Variants in HS3ST5 observed in about 807,000 individuals in gnomAD.
HS3ST5 encodes heparan sulfate-glucosamine 3-sulfotransferase 5.
HS3ST5 carries 10 observed loss-of-function variants against 25.4 expected under a neutral mutation model. The ratio of observed to expected loss-of-function variants is 0.39; its 90% confidence interval spans 0.24 to 0.67. HS3ST5 has a LOEUF of 0.67. HS3ST5 is among the 30% of genes least tolerant of loss of function. The probability of loss-of-function intolerance (pLI) is 0.44; values close to 1 mark genes in which losing one functional copy is unlikely to be tolerated. For missense variants in HS3ST5, 324 were observed against 420.7 expected, an observed-to-expected ratio of 0.77 and a Z score of 2.01; for synonymous variants, 170 against 162.4, an observed-to-expected ratio of 1.05 and a Z score of -0.36.
intron 3 of HS3ST5, among the ~76,000 whole-genome samples, chr6:114,145,639 T>C (rs1778124685): frequency 6.6e-6 from 1 of 152,084 alleles, no homozygotes; most frequent in African/African-American, 2.4e-5. Flanking sequence ...GCCAGGTACG[T>C]GGAGCAGGCA....
intron 3 of HS3ST5, among the ~76,000 whole-genome samples, chr6:114,086,703 C>G (rs866696213): frequency 6.6e-6 from 1 of 152,212 alleles, no homozygotes; most frequent in African/African-American, 2.4e-5. Flanking sequence ...GCATATTTCC[C>G]TATCACCTGT....
chr6:114,194,654 C>G (rs1322443268), intron 2 of HS3ST5, among the ~76,000 whole-genome samples: 1 of 152,126 alleles, frequency 6.6e-6, no homozygotes, highest in Non-Finnish European at 1.5e-5. Flanking sequence ...TTTCGTGTCC[C>G]CTGCTTTACC....
intron 2 of HS3ST5, among the ~76,000 whole-genome samples, chr6:114,187,632 A>G (rs1465083239): frequency 6.6e-6 from 1 of 152,198 alleles, no homozygotes; most frequent in Non-Finnish European, 1.5e-5. Context: ...TTGAGATGAC[A>G]ATAAAGGTTT....
intron 2 of HS3ST5, among the ~76,000 whole-genome samples, chr6:114,208,482 C>T (rs1246064335): frequency 6.6e-6 from 1 of 152,056 alleles, no homozygotes; most frequent in Non-Finnish European, 1.5e-5. Flanking sequence ...TTCATGACCA[C>T]CAATAAGATC....
chr6:114,135,231 A>C (rs948350459), intron 3 of HS3ST5, among the ~76,000 whole-genome samples: 16 of 152,172 alleles, frequency 1.1e-4, no homozygotes, highest in Non-Finnish European at 1.9e-4. Context: ...TGTTTCCTAC[A>C]CCCTGATCAT....
At chr6:114,239,386 AT>A (rs1166489909) in intron 1 of HS3ST5, among the ~76,000 whole-genome samples, 1 of 152,166 alleles carries the variant, frequency 6.6e-6, no homozygotes, top group Non-Finnish European at 1.5e-5. Flanking sequence ...GGAGAGATAC[AT>A]TTTAACAATT....
intron 3 of HS3ST5, among the ~76,000 whole-genome samples, chr6:114,118,059 A>C (rs1776615774): frequency 6.6e-6 from 1 of 152,166 alleles, no homozygotes; most frequent in African/African-American, 2.4e-5. Context: ...TCACATCATA[A>C]AGGGAATTAA....
chr6:114,127,887 G>T (rs7758977), intron 3 of HS3ST5, among the ~76,000 whole-genome samples: 39,858 of 149,912 alleles, frequency 0.27, 5,487 homozygotes, highest in East Asian at 0.36. Context: ...TATATATAGA[G>T]AGAGAGAGAC....
chr6:114,214,576 T>C (rs1169915682), intron 2 of HS3ST5, among the ~76,000 whole-genome samples: 1 of 152,238 alleles, frequency 6.6e-6, no homozygotes, highest in Non-Finnish European at 1.5e-5. Flanking sequence ...TAGGAGCTCA[T>C]AATTACTCCT....
chr6:114,136,188 C>G (rs978527611), intron 3 of HS3ST5, among the ~76,000 whole-genome samples: 5 of 152,232 alleles, frequency 3.3e-5, no homozygotes, highest in Non-Finnish European at 7.3e-5. Flanking sequence ...TGTGTCCCCA[C>G]CTAAATCTCA....
At chr6:114,264,326 G>T (rs1354529049) in intron 1 of HS3ST5, among the ~76,000 whole-genome samples, 2 of 152,148 alleles carry the variant, frequency 1.3e-5, no homozygotes, top group African/African-American at 4.8e-5. Context: ...ATGCATTTCT[G>T]AAAGTCGTAA....
At chr6:114,086,208 T>G (rs1314141490) in intron 3 of HS3ST5, among the ~76,000 whole-genome samples, 2 of 152,212 alleles carry the variant, frequency 1.3e-5, no homozygotes, top group African/African-American at 4.8e-5. Flanking sequence ...TTGTAATTAA[T>G]GTTACTAATC....
At chr6:114,160,153 C>T (rs1223690353) in intron 3 of HS3ST5, among the ~76,000 whole-genome samples, 1 of 152,024 alleles carries the variant, frequency 6.6e-6, no homozygotes, top group Non-Finnish European at 1.5e-5. Context: ...TTGTATGATG[C>T]CTGGCAGCAA....
chr6:114,217,104 C>T (rs1405530091), intron 2 of HS3ST5, among the ~76,000 whole-genome samples: 18 of 152,150 alleles, frequency 1.2e-4, no homozygotes, highest in Non-Finnish European at 8.8e-5. Flanking sequence ...CATTTACTAA[C>T]GGATTTAGCT....
chr6:114,218,890 G>A (rs777566108), intron 2 of HS3ST5, among the ~76,000 whole-genome samples: 6 of 151,982 alleles, frequency 3.9e-5, no homozygotes, highest in Non-Finnish European at 5.9e-5. Context: ...AATTTATAAC[G>A]GTCATGTCAA....
intron 1 of HS3ST5, among the ~76,000 whole-genome samples, chr6:114,269,269 A>G (rs756134410): frequency 1.1e-4 from 17 of 152,158 alleles, no homozygotes; most frequent in Non-Finnish European, 2.5e-4. Context: ...CTTACCTAAT[A>G]TCACACAGCT....
At chr6:114,201,083 A>T (rs1780990180) in intron 2 of HS3ST5, among the ~76,000 whole-genome samples, 1 of 152,116 alleles carries the variant, frequency 6.6e-6, no homozygotes, top group Non-Finnish European at 1.5e-5. Flanking sequence ...TGAACTTTGG[A>T]CTCATACGTG....
chr6:114,254,345 T>C (rs1772802697), intron 1 of HS3ST5, among the ~76,000 whole-genome samples: 1 of 152,252 alleles, frequency 6.6e-6, no homozygotes, highest in Admixed American at 6.5e-5. Context: ...TGGAAAATAG[T>C]ATTAATATAA....
intron 1 of HS3ST5, among the ~76,000 whole-genome samples, chr6:114,313,025 GAAAAAAAAAAAAA>G (rs5879258): frequency 2.5e-4 from 4 of 16,124 alleles, no homozygotes; most frequent in East Asian, 5.0e-3. Context: ...CCCTGCATCA[GAAAAAAAAAAAAA>G]AAAAAAAAAA....
Sources: allele counts gnomAD v4.1 joint callset (sites outside exome capture counted in the v4.1 genomes callset), GRCh38; gene constraint gnomAD v4.1.1; transcripts MANE v1.5; gene names NCBI Gene and HGNC (gene_info 2026-07-23, HGNC 2026-07-21).